SP3: variants seen among roughly 807,000 people sequenced by gnomAD.
The protein encoded by SP3 is transcription factor Sp3.
Under a neutral mutation model 70.3 loss-of-function variants are expected in SP3, and 10 were observed. That is an observed-to-expected ratio of 0.14 (90% CI 0.09 to 0.24). The LOEUF (loss-of-function observed/expected upper bound fraction) is 0.24, where lower values mean the gene tolerates loss of function less well. Among genes scored for constraint, SP3 ranks in the 10% least tolerant of loss-of-function variants. SP3 has a pLI of 1.00. For missense variants in SP3, 825 were observed against 914.6 expected, an observed-to-expected ratio of 0.90 and a Z score of 1.26; for synonymous variants, 402 against 333.5, an observed-to-expected ratio of 1.21 and a Z score of -2.24.
intron 4 of SP3, among the ~76,000 whole-genome samples, chr2:173,932,442 C>T (rs1275980897): frequency 2.6e-5 from 4 of 152,140 alleles, no homozygotes; most frequent in South Asian, 2.1e-4. Context: ...CCGCCCATCT[C>T]GGCCTCCCAA....
chr2:173,965,290 G>A lies in SP3; in HGVS notation c.-119C>T, dbSNP rs908918190. Reference sequence around the variant, plus strand: ...CGGCGGACACGGCCGGAGCGGTCCGGGGATTTTTTTTTCCTATTTTGATTG... The same window carrying A: ...CGGCGGACACGGCCGGAGCGGTCCGAGGATTTTTTTTTCCTATTTTGATTG... On this transcript the variant is annotated 5_prime_UTR_variant, in exon 1 of 7. Coordinates refer to ENST00000310015, the MANE Select transcript of SP3 (RefSeq NM_003111.5). The A allele has an allele frequency of 4.1e-6, 5 of 1,234,560 alleles. No individual in the cohort carries two copies. The African/African-American group carries it at 6.2e-5, about 15-fold the overall frequency. The allele number at this position is 1,234,560 out of a possible 1,614,324, so 76.5% of individuals were successfully genotyped here. A position where few individuals can be genotyped will look rare whatever the true frequency, so the allele number is the denominator to read the frequency against.
In SP3 at chr2:173,964,471, G is replaced by T; in HGVS notation, c.90C>A (p.His30Gln). Residue 30 changes from histidine to glutamine, a missense_variant, in exon 2 of 7, where the codon CAC becomes CAA. Coordinates refer to ENST00000310015, the MANE Select transcript of SP3 (RefSeq NM_003111.5). ...SGGGGGGGGG[H>Q]GEYLQQQQQH... ...GTTGCTGCTGCTGCAGATACTCGCC[G>T]TGGCCGCCGCCGCCGCCACCGCCGC... The T allele has an allele frequency of 1.4e-6, 1 of 711,646 alleles. No individual in the cohort carries two copies. The allele number at this position is 711,646 out of a possible 1,614,324, so 44.1% of individuals were successfully genotyped here. A position where few individuals can be genotyped will look rare whatever the true frequency, so the allele number is the denominator to read the frequency against.
intron 4 of SP3, among the ~76,000 whole-genome samples, chr2:173,946,775 G>A (rs1055690129): frequency 6.8e-6 from 1 of 147,712 alleles, no homozygotes; most frequent in Admixed American, 7.0e-5. Flanking sequence ...AGTGTGGAGT[G>A]CAGTGGCACA....
In SP3 at chr2:173,901,096, G is replaced by A. The variant is rs1049390977; in HGVS notation, c.*8845C>T. The stretch of plus-strand genomic sequence containing the variant: ...AGGGCATTATAATCAGCAGGGAAAC[G>A]TTGGACCATTCAATAAACTGCTAAG... On this transcript the variant is annotated 3_prime_UTR_variant, in exon 7 of 7. Coordinates refer to ENST00000310015, the MANE Select transcript of SP3 (RefSeq NM_003111.5). 6.6e-6 allele frequency among the ~76,000 whole-genome samples: 1 copy of A among 152,108 alleles called. No individual in the cohort carries two copies. Among genetic ancestry groups the A allele is most frequent in the Non-Finnish European group, 1.5e-5 (1 of 68,016 alleles).
chr2:173,939,017 A>G lies in SP3; in HGVS notation c.1639+15856T>C, dbSNP rs1690288504. Reference sequence around the variant, plus strand: ...AGTCAGGAATGCTCCTCAACATCCTACAATGCAGAGGACAGCCCCAAAACA... The same window carrying G: ...AGTCAGGAATGCTCCTCAACATCCTGCAATGCAGAGGACAGCCCCAAAACA... On this transcript the variant is annotated intron_variant, in intron 4 of 6. Transcript: ENST00000310015. 2.6e-5 allele frequency among the ~76,000 whole-genome samples: 4 copies of G among 152,304 alleles called. No individual in the cohort carries two copies. The South Asian group carries it at 8.3e-4, about 32-fold the overall frequency.
At chr2:173,930,874 T>G (rs1456658010) in intron 4 of SP3, among the ~76,000 whole-genome samples, 1 of 152,210 alleles carries the variant, frequency 6.6e-6, no homozygotes, top group African/African-American at 2.4e-5. Context: ...ACTTCAAATT[T>G]TCTAACAGCC....
At position 173,946,867 on chromosome 2, in the gene SP3, G is replaced by A. The variant is rs551214907; in HGVS notation, c.1639+8006C>T. On this transcript the variant is annotated intron_variant, in intron 4 of 6. Transcript: ENST00000310015. ...CTCCCCAGTAGCTGCGACTACAGGT[G>A]TGTACCACCACGCCTGGCTTTTTTT... 1.8e-4 allele frequency among the ~76,000 whole-genome samples: 27 copies of A among 150,802 alleles called. No homozygotes were observed. In the South Asian group the frequency reaches 5.8e-3, roughly 32 times the overall value.
At chr2:173,947,691 T>C (rs1690586375) in intron 4 of SP3, among the ~76,000 whole-genome samples, 1 of 152,228 alleles carries the variant, frequency 6.6e-6, no homozygotes, top group African/African-American at 2.4e-5. Context: ...CTGACATGAA[T>C]TCATCTCCTA....
At position 173,909,922 on chromosome 2, in the gene SP3, A is replaced by G. The variant is rs750246347; in HGVS notation, c.*19T>C. ...TACTGTATAAAAATAACCACAATGA[A>G]TAAGTATTTGTGTAATATTTACTCC... On this transcript the variant is annotated 3_prime_UTR_variant, in exon 7 of 7. Transcript: ENST00000310015. 13 of 1,598,580 alleles carry G rather than the reference A, an allele frequency of 8.1e-6. No individual in the cohort carries two copies. Among genetic ancestry groups the G allele is most frequent in the East Asian group, 2.2e-5 (1 of 44,780 alleles).
intron 1 of SP3, 99 bp downstream of exon 1, chr2:173,965,066 C>T: frequency 6.7e-7 from 1 of 1,481,544 alleles, no homozygotes; most frequent in South Asian, 1.2e-5. Context: ...CGGTCGCACA[C>T]ACGGGGCCGA....
intron 4 of SP3, among the ~76,000 whole-genome samples, chr2:173,925,751 G>GCTCT (rs1217006158): frequency 6.6e-6 from 1 of 152,020 alleles, no homozygotes; most frequent in Non-Finnish European, 1.5e-5. Flanking sequence ...CTTTCCTAAG[G>GCTCT]CTCTGCCTTG....
intron 4 of SP3, among the ~76,000 whole-genome samples, chr2:173,947,035 C>A (rs529659515): frequency 6.6e-6 from 1 of 152,194 alleles, no homozygotes; most frequent in South Asian, 2.1e-4. Context: ...GCTATCATTC[C>A]TTGTAAGTAA....
At chr2:173,915,074 A>C (rs1213004829) in intron 5 of SP3, 1 of 152,202 alleles carries the variant, frequency 6.6e-6, no homozygotes. Flanking sequence ...TCACAAACTT[A>C]GCAAAATTTA....
At chr2:173,922,207 G>A (rs915973594) in intron 4 of SP3, among the ~76,000 whole-genome samples, 3 of 152,032 alleles carry the variant, frequency 2.0e-5, no homozygotes, top group Non-Finnish European at 4.4e-5. Context: ...GTTTAAAGTA[G>A]AGTCAAAGAC....
Position 173,908,622 on chromosome 2 carries a change from C to A in SP3, c.*1319G>T, listed in dbSNP as rs1689390966. The A allele has an allele frequency of 6.6e-6, 1 of 152,358 alleles. No homozygotes were observed. Among genetic ancestry groups the A allele is most frequent in the Non-Finnish European group, 1.5e-5 (1 of 67,902 alleles). The allele number at this position is 152,358 out of a possible 1,614,324, so 9.4% of individuals were successfully genotyped here. On this transcript the variant is annotated 3_prime_UTR_variant, in exon 7 of 7. Coordinates refer to ENST00000310015, the MANE Select transcript of SP3 (RefSeq NM_003111.5). ...AGGTAGCCTTTAAATTTGAGGTGGT[C>A]TTAAGAATAACAAATGAACAGAATT...
At chr2:173,948,181 C>A (rs1690600975) in intron 4 of SP3, among the ~76,000 whole-genome samples, 1 of 152,100 alleles carries the variant, frequency 6.6e-6, no homozygotes, top group African/African-American at 2.4e-5. Context: ...TAATTCTTGA[C>A]CTAAATACTT....
intron 4 of SP3, among the ~76,000 whole-genome samples, chr2:173,933,874 C>CT (rs1411782181): frequency 3.3e-5 from 5 of 151,712 alleles, no homozygotes; most frequent in Admixed American, 3.3e-4. Context: ...AATAAAATTT[C>CT]TTTACCATGG....
chr2:173,965,102 G>T (rs1048784045), intron 1 of SP3, 63 bp downstream of exon 1: 1 of 1,543,728 alleles, frequency 6.5e-7, no homozygotes, highest in East Asian at 2.5e-5. Context: ...CCCCGGGCTG[G>T]CTGTGGTCGG....
chr2:173,912,290 C>T (rs1173394888), intron 6 of SP3, among the ~76,000 whole-genome samples: 2 of 152,300 alleles, frequency 1.3e-5, no homozygotes, highest in African/African-American at 2.4e-5. Context: ...TGTGAAGCAA[C>T]GTCAGAGATA....
Sources: allele counts gnomAD v4.1 joint callset (sites outside exome capture counted in the v4.1 genomes callset), GRCh38; gene constraint gnomAD v4.1.1; transcripts MANE v1.5; gene names NCBI Gene and HGNC (gene_info 2026-07-23, HGNC 2026-07-21).